Variants in IL16 observed in about 807,000 individuals in gnomAD.
IL16 encodes interleukin 16.
A neutral mutation model predicts 110.1 loss-of-function variants in IL16; 67 were observed. That is an observed-to-expected ratio of 0.61 (90% CI 0.50 to 0.75). IL16 has a LOEUF of 0.75. Among genes scored for constraint, IL16 ranks in the 30% least tolerant of loss-of-function variants. IL16 has a pLI of 0.00. For missense variants in IL16, 1,545 were observed against 1,655.0 expected (o/e 0.93, Z 1.15); for synonymous variants, 689 against 662.9 (o/e 1.04, Z -0.61).
In IL16 at chr15:81,313,349, G is replaced by A; in HGVS notation, c.*4551G>A. ...AGGAGTCCACCACGTTCTGTGGGAGGTAACCGCTGAGGTCGGTATGGAAGA... is the reference window on the plus strand; with the variant it reads ...AGGAGTCCACCACGTTCTGTGGGAGATAACCGCTGAGGTCGGTATGGAAGA... On this transcript the variant is annotated 3_prime_UTR_variant, in exon 19 of 19. Transcript: ENST00000683961. 6.3e-7 allele frequency: 1 copy of A among 1,582,336 alleles called. No individual in the cohort carries two copies. The highest frequency in any genetic ancestry group is 8.6e-7 in the Non-Finnish European group (1 of 1,164,672).
upstream of IL16, among the ~76,000 whole-genome samples, chr15:81,192,560 A>T (rs1360453924): frequency 6.6e-6 from 1 of 152,220 alleles, no homozygotes; most frequent in Non-Finnish European, 1.5e-5. Context: ...GTTAGCTATG[A>T]TCATACCACT....
chr15:81,208,819 G>A (rs1162539327), intron 1 of IL16, among the ~76,000 whole-genome samples: 1 of 152,114 alleles, frequency 6.6e-6, no homozygotes, highest in African/African-American at 2.4e-5. Context: ...AATCTGCCGG[G>A]GTTGTGGTCT....
At chr15:81,259,203 C>A (rs989231808) in intron 2 of IL16, among the ~76,000 whole-genome samples, 2 of 152,106 alleles carry the variant, frequency 1.3e-5, no homozygotes, top group Non-Finnish European at 2.9e-5. Flanking sequence ...ATTAAGAAAT[C>A]CATTTATATA....
Position 81,308,914 on chromosome 15 carries a change from C to A in IL16, c.*116C>A. 1.1e-6 allele frequency: 1 copy of A among 907,508 alleles called. No individual in the cohort carries two copies. The highest frequency in any genetic ancestry group is 1.6e-6 in the Non-Finnish European group (1 of 607,904). The allele number at this position is 907,508 out of a possible 1,614,324, so 56.2% of individuals were successfully genotyped here. A position where few individuals can be genotyped will look rare whatever the true frequency, so the allele number is the denominator to read the frequency against. On this transcript the variant is annotated 3_prime_UTR_variant, in exon 19 of 19. Coordinates refer to ENST00000683961, the MANE Select transcript of IL16 (RefSeq NM_172217.5). ...CCAGATGGGGGAAAGCACAGGTGGG[C>A]TTCCCAGTGGCTGCTGCCCAGGCCC...
At chr15:81,292,488 G>T in intron 11 of IL16, 68 bp from the exon 12 acceptor site, 1 of 1,610,662 alleles carries the variant, frequency 6.2e-7, no homozygotes. Flanking sequence ...GCAGTCACAG[G>T]TGAGGCCAGG....
In IL16 at chr15:81,299,747, A is replaced by G; in HGVS notation, c.2421A>G (p.Arg807=). The G allele has an allele frequency of 6.2e-7, 1 of 1,614,140 alleles. No homozygotes were observed. The highest frequency in any genetic ancestry group is 8.5e-7 in the Non-Finnish European group (1 of 1,180,006). The change falls in exon 14 of 19, where the codon AGA becomes AGG. Residue 807 remains arginine (R), a synonymous_variant. Transcript: ENST00000683961. ...KGLRNRASDP[R]GLPDPALSTQ... ...TGAGGAATCGTGCTTCAGACCCAAG[A>G]GGGCTCCCTGATCCTGCCTTGTCCA...
At chr15:81,236,374 G>A (rs1897176401) in intron 2 of IL16, among the ~76,000 whole-genome samples, 2 of 152,126 alleles carry the variant, frequency 1.3e-5, no homozygotes, top group African/African-American at 4.8e-5. Flanking sequence ...GAAGCTTAGG[G>A]CTCCATGACT....
intron 1 of IL16, among the ~76,000 whole-genome samples, chr15:81,216,710 G>A (rs946604183): frequency 3.9e-5 from 6 of 152,116 alleles, no homozygotes; most frequent in South Asian, 2.1e-4. Flanking sequence ...GCTGCCTACC[G>A]AGCATTCATG....
intron 1 of IL16, among the ~76,000 whole-genome samples, chr15:81,201,766 C>A (rs997082122): frequency 2.6e-5 from 4 of 152,138 alleles, no homozygotes; most frequent in Non-Finnish European, 5.9e-5. Context: ...ATTCTCTGCT[C>A]TTCAATAACA....
chr15:81,222,633 T>C (rs1385233820), intron 1 of IL16, among the ~76,000 whole-genome samples: 1 of 152,058 alleles, frequency 6.6e-6, no homozygotes, highest in Admixed American at 6.6e-5. Context: ...GTTTATATCT[T>C]TCCTGTTTAG....
intron 1 of IL16, among the ~76,000 whole-genome samples, chr15:81,221,012 T>C (rs1375071715): frequency 6.6e-6 from 1 of 152,016 alleles, no homozygotes; most frequent in Non-Finnish European, 1.5e-5. Flanking sequence ...CTGATAACTA[T>C]GATGATGAGT....
intron 2 of IL16, among the ~76,000 whole-genome samples, chr15:81,237,632 ACTC>A (rs1897217193): frequency 6.6e-6 from 1 of 151,446 alleles, no homozygotes; most frequent in African/African-American, 2.4e-5. Context: ...TTCCATTCTC[ACTC>A]CTCTCTAAGG....
Position 81,308,593 on chromosome 15 carries a change from C to A in IL16, c.3806-12C>A. 1.9e-6 allele frequency: 3 copies of A among 1,585,804 alleles called. No individual in the cohort carries two copies. The highest frequency in any genetic ancestry group is 1.2e-5 in the South Asian group (1 of 86,812). ...TCATCTGTGGAACCCATTACCTTCT[C>A]CCTCATTTCAGGAGCAGCCTCAGAA... On this transcript the variant is annotated splice_polypyrimidine_tract_variant and intron_variant, in intron 18 of 18. Transcript: ENST00000683961.
intron 2 of IL16, among the ~76,000 whole-genome samples, chr15:81,257,528 T>G (rs992010225): frequency 6.6e-6 from 1 of 152,116 alleles, no homozygotes; most frequent in African/African-American, 2.4e-5. Flanking sequence ...AAGGGCTCAT[T>G]AGCCTGCCAT....
At chr15:81,274,390 G>A (rs552674766) in intron 6 of IL16, among the ~76,000 whole-genome samples, 7 of 152,150 alleles carry the variant, frequency 4.6e-5, no homozygotes, top group South Asian at 2.1e-4. Context: ...ACTCGAGCAC[G>A]CTCATCCACG....
rs1272726226 is a variant in IL16, at chr15:81,292,979, T to G, written c.1844T>G (p.Leu615Arg). ...FKSDSDPQKS[L>R]EERENSSCSS... is the part of the protein sequence containing the mutation. ...AGTGACAGTGACCCTCAGAAGAGTCTGGAAGAGAGAGAGAACTCCTCATGC... is the reference window on the plus strand; with the variant it reads ...AGTGACAGTGACCCTCAGAAGAGTCGGGAAGAGAGAGAGAACTCCTCATGC... Residue 615 changes from leucine (L) to arginine (R), a missense_variant, in exon 12 of 19, where the codon CTG becomes CGG. By Grantham distance (102) the Leu-to-Arg change is moderately radical. Transcript: ENST00000683961. The G allele has an allele frequency of 1.9e-6, 3 of 1,613,590 alleles. No homozygotes were observed. The highest frequency in any genetic ancestry group is 2.5e-6 in the Non-Finnish European group (3 of 1,180,026).
In IL16 at chr15:81,230,165, T is replaced by C. The variant is rs1401154189; in HGVS notation, c.312+4454T>C. On this transcript the variant is annotated intron_variant, in intron 2 of 18. Transcript: ENST00000683961. ...AGCTTCTAGACCCCTGGAGATGAAT[T>C]CAAATGGGAGAATGTCAAAAGTCAG... 3.9e-5 allele frequency among the ~76,000 whole-genome samples: 6 copies of C among 152,164 alleles called. No homozygotes were observed. In the East Asian group the frequency reaches 1.2e-3, roughly 29 times the overall value.
intron 1 of IL16, among the ~76,000 whole-genome samples, chr15:81,218,253 A>C (rs1438940152): frequency 6.6e-6 from 1 of 152,166 alleles, no homozygotes; most frequent in Non-Finnish European, 1.5e-5. Flanking sequence ...AAATAATTCA[A>C]TTCAAAATAG....
chr15:81,250,934 G>A (rs1207747233), intron 2 of IL16, among the ~76,000 whole-genome samples: 1 of 152,086 alleles, frequency 6.6e-6, no homozygotes, highest in African/African-American at 2.4e-5. Flanking sequence ...TCTTTCCTAG[G>A]AAGGGACTGG....
Sources: allele counts gnomAD v4.1 joint callset (sites outside exome capture counted in the v4.1 genomes callset), GRCh38; gene constraint gnomAD v4.1.1; transcripts MANE v1.5; gene names NCBI Gene and HGNC (gene_info 2026-07-23, HGNC 2026-07-21).